Variants in RPS6KC1 observed in about 807,000 individuals in gnomAD.
RPS6KC1 encodes inactive ribosomal protein S6 kinase delta-1.
Under a neutral mutation model 103.8 loss-of-function variants are expected in RPS6KC1, and 54 were observed. That is an observed-to-expected ratio of 0.52 (90% confidence interval 0.42 to 0.65). RPS6KC1 has a LOEUF of 0.65. Ranked by LOEUF, RPS6KC1 falls within the 30% of genes least tolerant of loss-of-function variation. RPS6KC1 has a pLI of 0.00. For missense variants in RPS6KC1, 1,151 were observed against 1,253.8 expected (o/e 0.92, Z 1.24); for synonymous variants, 439 against 438.7 (o/e 1.00, Z -0.01).
At chr1:213,242,517 C>T (rs1165091516) in intron 11 of RPS6KC1, 52 bp from the exon 12 acceptor site, 2 of 1,422,698 alleles carry the variant, frequency 1.4e-6, no homozygotes, top group Non-Finnish European at 2.0e-6. Context: ...TTCACTTCTG[C>T]AGAAAATGGA....
At chr1:213,483,281 C>T in the RPS6KC1 span, among the ~76,000 whole-genome samples, 3 of 152,248 alleles carry the variant, frequency 2.0e-5, no homozygotes, top group Admixed American at 6.5e-5. Context: ...CCACTGGGTC[C>T]CTCCCATGAC....
intron 2 of RPS6KC1, among the ~76,000 whole-genome samples, chr1:213,077,282 T>C (rs1235459775): frequency 2.0e-5 from 3 of 152,242 alleles, no homozygotes. Context: ...TGTTTTGACA[T>C]CTAACTCATT....
intron 6 of RPS6KC1, among the ~76,000 whole-genome samples, chr1:213,151,753 G>A (rs1224801660): frequency 9.4e-5 from 12 of 128,024 alleles, no homozygotes; most frequent in African/African-American, 1.6e-4. Context: ...TCTCCCTCCC[G>A]GACGAGGCGG....
chr1:213,116,670 T>C (rs2083671881), intron 4 of RPS6KC1, among the ~76,000 whole-genome samples: 1 of 151,994 alleles, frequency 6.6e-6, no homozygotes, highest in African/African-American at 2.4e-5. Context: ...CATTTTGGCA[T>C]GATTTTGCAG....
chr1:213,423,820 A>G, the RPS6KC1 span, among the ~76,000 whole-genome samples: 112 of 152,118 alleles, frequency 7.4e-4, no homozygotes, highest in African/African-American at 1.1e-3. Flanking sequence ...AGGAGGGGGC[A>G]TGGGCTCGGT....
At chr1:213,169,062 G>A (rs1235285621) in intron 7 of RPS6KC1, among the ~76,000 whole-genome samples, 6 of 149,448 alleles carry the variant, frequency 4.0e-5, no homozygotes, top group African/African-American at 9.7e-5. Context: ...ATTAAATGAA[G>A]TAAAAAAAAA....
At chr1:213,499,546 T>G in the RPS6KC1 span, among the ~76,000 whole-genome samples, 1 of 152,162 alleles carries the variant, frequency 6.6e-6, no homozygotes, top group East Asian at 1.9e-4. Flanking sequence ...TAGTGTTCTG[T>G]GCTCCTATGA....
intron 10 of RPS6KC1, among the ~76,000 whole-genome samples, chr1:213,237,000 A>G (rs527598375): frequency 2.1e-4 from 32 of 152,084 alleles, no homozygotes; most frequent in Non-Finnish European, 4.7e-4. Flanking sequence ...AGAAATAGGT[A>G]CTCTTTTAAC....
chr1:213,753,144 G>A, the RPS6KC1 span, among the ~76,000 whole-genome samples: 6 of 152,106 alleles, frequency 3.9e-5, no homozygotes, highest in East Asian at 3.8e-4. Flanking sequence ...CCCCTCCGAC[G>A]CATCCAGTGG....
At chr1:213,753,180 T>C in the RPS6KC1 span, among the ~76,000 whole-genome samples, 3 of 151,884 alleles carry the variant, frequency 2.0e-5, no homozygotes, top group Non-Finnish European at 4.4e-5. Flanking sequence ...GATGAAAAAA[T>C]AGGAGTAAGA....
the RPS6KC1 span, among the ~76,000 whole-genome samples, chr1:213,304,743 G>T: frequency 3.9e-5 from 6 of 152,040 alleles, no homozygotes; most frequent in African/African-American, 1.4e-4. Context: ...GTTTCTCCAT[G>T]TTGGTCAGGC....
chr1:213,571,901 G>A, the RPS6KC1 span, among the ~76,000 whole-genome samples: 1 of 152,206 alleles, frequency 6.6e-6, no homozygotes, highest in Non-Finnish European at 1.5e-5. Flanking sequence ...AGGAGGGCCT[G>A]AGATTCTGTA....
the RPS6KC1 span, among the ~76,000 whole-genome samples, chr1:213,799,561 T>C: frequency 6.6e-6 from 1 of 152,258 alleles, no homozygotes; most frequent in Admixed American, 6.5e-5. Context: ...AATTTCCCTG[T>C]CAAACTTTAT....
At chr1:213,361,218 T>C in the RPS6KC1 span, among the ~76,000 whole-genome samples, 3 of 152,200 alleles carry the variant, frequency 2.0e-5, no homozygotes, top group Non-Finnish European at 4.4e-5. Context: ...AGTTGGAGCT[T>C]CCCTGCCACT....
chr1:213,325,532 C>G, the RPS6KC1 span, among the ~76,000 whole-genome samples: 1 of 152,204 alleles, frequency 6.6e-6, no homozygotes, highest in Admixed American at 6.5e-5. Context: ...TGGGGAGGTC[C>G]CTCCTTCTAG....
chr1:213,708,863 G>C, the RPS6KC1 span, among the ~76,000 whole-genome samples: 1 of 152,142 alleles, frequency 6.6e-6, no homozygotes. Flanking sequence ...TTATTGATTT[G>C]TGTATGTTGA....
At chr1:213,622,621 G>A in the RPS6KC1 span, among the ~76,000 whole-genome samples, 2 of 151,990 alleles carry the variant, frequency 1.3e-5, no homozygotes, top group Admixed American at 6.6e-5. Flanking sequence ...GAATACCAGC[G>A]GCACCCCTGC....
the RPS6KC1 span, among the ~76,000 whole-genome samples, chr1:213,350,011 T>A: frequency 5.9e-5 from 9 of 152,230 alleles, no homozygotes; most frequent in Admixed American, 4.6e-4. Context: ...GTCTGAATAC[T>A]CTTTTTAAGT....
chr1:213,822,312 T>A, the RPS6KC1 span: 3 of 152,204 alleles, frequency 2.0e-5, no homozygotes, highest in African/African-American at 7.2e-5. Context: ...GTTTGAGTAA[T>A]GTAGAGCTCA....
Sources: gnomAD v4.1 joint callset for allele counts (sites outside exome capture counted in the v4.1 genomes callset) on GRCh38, gnomAD v4.1.1 for gene constraint, MANE v1.5 for transcripts, NCBI Gene and HGNC (gene_info 2026-07-23, HGNC 2026-07-21) for gene names.